The following KDM4C variants were observed in gnomAD, a reference collection of about 807,000 sequenced individuals.
KDM4C encodes lysine demethylase 4C.
In KDM4C, 81 loss-of-function variants were observed where a neutral mutation model predicts 129.3. The observed-to-expected ratio is 0.63, with a 90% CI of 0.52 to 0.75. The LOEUF (loss-of-function observed/expected upper bound fraction) is 0.75. KDM4C is among the 30% of genes least tolerant of loss of function. The pLI is 0.00. For missense variants in KDM4C, 1,457 were observed against 1,304.0 expected, an observed-to-expected ratio of 1.12 and a Z score of -1.81; for synonymous variants, 573 against 456.1, an observed-to-expected ratio of 1.26 and a Z score of -3.26.
chr9:6,910,016 C>T (rs180829910), intron 8 of KDM4C, among the ~76,000 whole-genome samples: 7 of 152,178 alleles, frequency 4.6e-5, no homozygotes. Context: ...CCCTGGATGT[C>T]ACTTAATAGC....
At chr9:6,775,741 C>G (rs1032480464) in intron 1 of KDM4C, among the ~76,000 whole-genome samples, 1 of 151,164 alleles carries the variant, frequency 6.6e-6, no homozygotes, top group East Asian at 2.0e-4. Context: ...AGGCTGGTCT[C>G]GAACTCCTGA....
At chr9:6,976,037 CAAAAATAAAAT>C (rs1832859729) in intron 8 of KDM4C, among the ~76,000 whole-genome samples, 1 of 151,794 alleles carries the variant, frequency 6.6e-6, no homozygotes, top group Non-Finnish European at 1.5e-5. Context: ...GACCTTGTCT[CAAAAATAAAAT>C]AAAAAATCAG....
chr9:7,169,911 C>A, intron 21 of KDM4C, 21 bp downstream of exon 21: 1 of 1,613,646 alleles, frequency 6.2e-7, no homozygotes, highest in South Asian at 1.1e-5. Flanking sequence ...GCAGATGCCA[C>A]TTGGGGACCT....
chr9:6,939,185 G>A (rs574899621), intron 8 of KDM4C, among the ~76,000 whole-genome samples: 11 of 152,012 alleles, frequency 7.2e-5, no homozygotes, highest in Admixed American at 5.2e-4. Context: ...GCTCCCCATC[G>A]CTGGCATTAC....
At chr9:6,970,959 C>T (rs1402144228) in intron 8 of KDM4C, among the ~76,000 whole-genome samples, 1 of 152,004 alleles carries the variant, frequency 6.6e-6, no homozygotes, top group African/African-American at 2.4e-5. Flanking sequence ...TCTTTCAGAC[C>T]CCATGAGGAA....
chr9:6,846,594 G>T (rs1263652731), intron 4 of KDM4C, among the ~76,000 whole-genome samples: 1 of 152,190 alleles, frequency 6.6e-6, no homozygotes, highest in Non-Finnish European at 1.5e-5. Flanking sequence ...CTGCTTAATT[G>T]AAATTATATG....
chr9:6,774,203 A>G (rs766827161), intron 1 of KDM4C, among the ~76,000 whole-genome samples: 5 of 152,118 alleles, frequency 3.3e-5, no homozygotes, highest in Non-Finnish European at 7.3e-5. Context: ...AGACATTGAA[A>G]TTAATGTAAC....
intron 2 of KDM4C, among the ~76,000 whole-genome samples, chr9:6,802,947 A>G (rs1829287213): frequency 6.6e-6 from 1 of 152,262 alleles, no homozygotes; most frequent in African/African-American, 2.4e-5. Flanking sequence ...TGAGTGAAGT[A>G]TAAAAGATAA....
intron 4 of KDM4C, among the ~76,000 whole-genome samples, chr9:6,821,205 G>C (rs1237301984): frequency 6.6e-6 from 1 of 152,106 alleles, no homozygotes; most frequent in Non-Finnish European, 1.5e-5. Flanking sequence ...CTTTATAGTA[G>C]CATGATTTAT....
rs199570502 is a variant in KDM4C at position 7,128,080 on chromosome 9, C to T, written c.2625C>T (p.Cys875=). Residue 875 remains cysteine, a synonymous_variant, in exon 19 of 22, where the codon TGC becomes TGT. Coordinates refer to ENST00000381309, the MANE Select transcript of KDM4C (RefSeq NM_015061.6). ...KVNPNVKSKA[C]EKVISVGQTV... ...CCTTCTTTTAGAAGTCCAAGGCTTG[C>T]GAGAAGGTCATTTCCGTGGGTCAAA... 27 of 1,572,744 alleles carry T rather than the reference C, an allele frequency of 1.7e-5. No homozygotes were observed. The East Asian group carries it at 4.5e-4, about 26-fold the overall frequency.
chr9:7,170,084 G>A (rs1195512925), intron 21 of KDM4C, 194 bp downstream of exon 21: 2 of 1,484,002 alleles, frequency 1.3e-6, no homozygotes, highest in African/African-American at 2.8e-5. Context: ...ATTAATGCAT[G>A]TGCTTTACTT....
chr9:6,909,816 A>C (rs148754718), intron 8 of KDM4C, among the ~76,000 whole-genome samples: 1 of 152,320 alleles, frequency 6.6e-6, no homozygotes, highest in African/African-American at 2.4e-5. Flanking sequence ...TTAATGTTAA[A>C]TATATTAGAA....
At position 6,984,431 on chromosome 9, in the gene KDM4C, C is replaced by T. The variant is rs1345411326; in HGVS notation, c.1354+27C>T. 2.1e-6 allele frequency: 3 copies of T among 1,442,928 alleles called. No homozygotes were observed. In the South Asian group the frequency reaches 3.5e-5, roughly 17 times the overall value. The allele number at this position is 1,442,928 out of a possible 1,614,324, so 89.4% of individuals were successfully genotyped here. On this transcript the variant is annotated intron_variant, in intron 10 of 21. Coordinates refer to ENST00000381309, the MANE Select transcript of KDM4C (RefSeq NM_015061.6). ...TGAGAAGATGGTTGATTAGGTTTCA[C>T]ATATAAGTAGTAGGTGGTTGATGAT...
intron 15 of KDM4C, among the ~76,000 whole-genome samples, chr9:7,019,715 AAATATAAT>A (rs1323470225): frequency 9.2e-6 from 1 of 108,188 alleles, no homozygotes; most frequent in Non-Finnish European, 1.8e-5. Flanking sequence ...TTATATATAA[AAATATAAT>A]ATTTTTATAT....
At chr9:6,890,920 C>G (rs1367382789) in intron 7 of KDM4C, among the ~76,000 whole-genome samples, 1 of 152,196 alleles carries the variant, frequency 6.6e-6, no homozygotes. Flanking sequence ...CACTGGTAAG[C>G]CTGTCTCTGC....
chr9:6,965,088 G>T (rs1452647640), intron 8 of KDM4C, among the ~76,000 whole-genome samples: 1 of 151,812 alleles, frequency 6.6e-6, no homozygotes, highest in Non-Finnish European at 1.5e-5. Context: ...TTTCCAGGAG[G>T]GTGCTTTATA....
intron 19 of KDM4C, among the ~76,000 whole-genome samples, chr9:7,154,533 G>C (rs141137202): frequency 6.6e-6 from 1 of 152,186 alleles, no homozygotes; most frequent in South Asian, 2.1e-4. Context: ...GAAGGGTCTC[G>C]TAAGAGTTCC....
At chr9:6,837,694 T>A (rs1483289795) in intron 4 of KDM4C, among the ~76,000 whole-genome samples, 2 of 152,222 alleles carry the variant, frequency 1.3e-5, no homozygotes, top group Middle Eastern at 3.2e-3. Context: ...GGCTTTTTCT[T>A]TATTTGGAAT....
At chr9:6,812,912 T>G (rs62568861) in intron 3 of KDM4C, among the ~76,000 whole-genome samples, 5 of 152,064 alleles carry the variant, frequency 3.3e-5, no homozygotes, top group African/African-American at 1.2e-4. Flanking sequence ...GCGGTGGCTC[T>G]CGCCTGTAAA....
Sources: gnomAD v4.1 joint callset for allele counts (sites outside exome capture counted in the v4.1 genomes callset) on GRCh38, gnomAD v4.1.1 for gene constraint, MANE v1.5 for transcripts, NCBI Gene and HGNC (gene_info 2026-07-23, HGNC 2026-07-21) for gene names.